The following ARL13B variants were observed in gnomAD, a reference collection of about 807,000 sequenced individuals.
The protein encoded by ARL13B is ADP-ribosylation factor-like protein 13B.
In ARL13B, 36 loss-of-function variants were observed where a neutral mutation model predicts 56.1. The observed-to-expected ratio is 0.64, with a 90% CI of 0.49 to 0.85. The LOEUF (loss-of-function observed/expected upper bound fraction) is 0.85. ARL13B is among the 40% of genes least tolerant of loss of function. ARL13B has a pLI of 0.00. For synonymous variants in ARL13B, 178 were observed against 171.1 expected, an observed-to-expected ratio of 1.04 and a Z score of -0.32; for missense variants, 519 against 507.1, an observed-to-expected ratio of 1.02 and a Z score of -0.23.
At chr3:93,993,924 A>G (rs368771896) in intron 1 of ARL13B, among the ~76,000 whole-genome samples, 14 of 152,132 alleles carry the variant, frequency 9.2e-5, no homozygotes, top group South Asian at 2.1e-4. Flanking sequence ...CCACCAGCCA[A>G]TTGAGAATGG....
intron 3 of ARL13B, among the ~76,000 whole-genome samples, chr3:94,006,653 T>A (rs2076140677): frequency 6.6e-6 from 1 of 152,190 alleles, no homozygotes; most frequent in Non-Finnish European, 1.5e-5. Flanking sequence ...ACAAAACTGG[T>A]ACATGCTTGT....
chr3:94,010,092 A>G (rs1327422678), intron 3 of ARL13B, among the ~76,000 whole-genome samples: 1 of 152,136 alleles, frequency 6.6e-6, no homozygotes, highest in Non-Finnish European at 1.5e-5. Context: ...TGCTCTCCAG[A>G]TCATTCTGAT....
intron 3 of ARL13B, among the ~76,000 whole-genome samples, chr3:94,032,363 C>T (rs2076690798): frequency 6.6e-6 from 1 of 152,192 alleles, no homozygotes; most frequent in African/African-American, 2.4e-5. Flanking sequence ...CATCTCACAC[C>T]AGTCAGAATT....
intron 1 of ARL13B, among the ~76,000 whole-genome samples, chr3:93,983,193 T>C (rs1404527423): frequency 1.3e-5 from 2 of 152,198 alleles, no homozygotes; most frequent in East Asian, 3.9e-4. Context: ...GATCCTTTCC[T>C]AGTGAGCATA....
chr3:94,007,148 C>G (rs2076149058), intron 3 of ARL13B, among the ~76,000 whole-genome samples: 1 of 152,188 alleles, frequency 6.6e-6, no homozygotes, highest in Non-Finnish European at 1.5e-5. Flanking sequence ...GCTTGGATAA[C>G]TTTCTCCTCC....
intron 3 of ARL13B, among the ~76,000 whole-genome samples, chr3:94,012,040 T>C (rs760963413): frequency 2.9e-4 from 44 of 152,288 alleles, no homozygotes; most frequent in Non-Finnish European, 6.0e-4. Context: ...CTTTAAACTC[T>C]CCTTTTGCAT....
At chr3:94,040,953 G>A (rs545130778) in intron 6 of ARL13B, among the ~76,000 whole-genome samples, 27 of 152,106 alleles carry the variant, frequency 1.8e-4, no homozygotes, top group South Asian at 4.1e-4. Context: ...AGTGGTGTAC[G>A]ACATAGTATA....
chr3:93,988,513 G>C (rs1269999610), intron 1 of ARL13B: 2 of 249,434 alleles, frequency 8.0e-6, no homozygotes, highest in Non-Finnish European at 1.6e-5. Context: ...GGGAGTTCCT[G>C]CTACTTAAAA....
intron 3 of ARL13B, among the ~76,000 whole-genome samples, chr3:94,016,054 A>G (rs950436667): frequency 1.2e-4 from 19 of 152,150 alleles, no homozygotes; most frequent in African/African-American, 3.6e-4. Context: ...CACTTATCAC[A>G]TGCTGTGTTG....
intron 5 of ARL13B, 151 bp downstream of exon 5, chr3:94,036,905 G>A (rs994779442): frequency 1.1e-6 from 1 of 933,752 alleles, no homozygotes; most frequent in Non-Finnish European, 1.6e-6. Context: ...ATCTTTTTCT[G>A]TACAAGTTTG....
chr3:94,000,561 A>AT lies in ARL13B; in HGVS notation c.131-3098_131-3097insT, dbSNP rs527519397. ...GTGATTTGTGAAGAGGAAAAAAAAA[A>AT]CAAAAAAATTATAGTTACTCATATA... On this transcript the variant is annotated intron_variant, in intron 2 of 9. Coordinates refer to ENST00000394222, the MANE Select transcript of ARL13B (RefSeq NM_001174150.2). 2.6e-5 allele frequency among the ~76,000 whole-genome samples: 4 copies of AT among 152,018 alleles called. No individual in the cohort carries two copies. The South Asian group carries it at 8.3e-4, about 32-fold the overall frequency.
At chr3:94,002,761 C>A (rs955391562) in intron 2 of ARL13B, among the ~76,000 whole-genome samples, 1 of 152,164 alleles carries the variant, frequency 6.6e-6, no homozygotes, top group Admixed American at 6.5e-5. Context: ...TATCATTGGT[C>A]TGCCAGATAT....
chr3:94,000,787 A>C (rs1323249415), intron 2 of ARL13B, among the ~76,000 whole-genome samples: 1 of 152,184 alleles, frequency 6.6e-6, no homozygotes, highest in Non-Finnish European at 1.5e-5. Context: ...TTTGCATTTT[A>C]TCTTGGACTT....
At chr3:94,031,028 AAG>A (rs898058859) in intron 3 of ARL13B, among the ~76,000 whole-genome samples, 15 of 152,070 alleles carry the variant, frequency 9.9e-5, no homozygotes, top group African/African-American at 2.9e-4. Flanking sequence ...TTTTTAAAAA[AAG>A]AACGTTCGAA....
intron 7 of ARL13B, among the ~76,000 whole-genome samples, chr3:94,043,745 T>G (rs1301356349): frequency 2.3e-5 from 3 of 127,780 alleles, no homozygotes; most frequent in African/African-American, 6.1e-5. Context: ...GCAACCTCCC[T>G]GCCTCGGGCT....
intron 3 of ARL13B, among the ~76,000 whole-genome samples, chr3:94,023,619 G>A (rs2076494888): frequency 6.6e-6 from 1 of 152,048 alleles, no homozygotes; most frequent in Admixed American, 6.6e-5. Flanking sequence ...CAAATAAGGG[G>A]AATTTTAAAG....
At chr3:94,014,536 T>A (rs2076286745) in intron 3 of ARL13B, 20 of 1,612,914 alleles carry the variant, frequency 1.2e-5, no homozygotes, top group Non-Finnish European at 1.4e-5. Flanking sequence ...GTTGATGCTC[T>A]CTCCTTGTTC....
At chr3:94,020,560 AG>A (rs1462186033) in intron 3 of ARL13B, among the ~76,000 whole-genome samples, 2 of 152,194 alleles carry the variant, frequency 1.3e-5, no homozygotes, top group African/African-American at 4.8e-5. Flanking sequence ...AGAGGCAATT[AG>A]GTCAGTTAAG....
intron 7 of ARL13B, among the ~76,000 whole-genome samples, chr3:94,048,623 C>T (rs1349015094): frequency 1.3e-5 from 2 of 151,314 alleles, no homozygotes; most frequent in Non-Finnish European, 1.5e-5. Flanking sequence ...GATAGATTCT[C>T]ACTCTGTCAC....
Sources: gnomAD v4.1 joint callset for allele counts (sites outside exome capture counted in the v4.1 genomes callset) on GRCh38, gnomAD v4.1.1 for gene constraint, MANE v1.5 for transcripts, NCBI Gene and HGNC (gene_info 2026-07-23, HGNC 2026-07-21) for gene names.